Variants in PRIM2 observed in about 807,000 individuals in gnomAD.
The protein encoded by PRIM2 is DNA primase subunit 2.
PRIM2 carries 39 observed loss-of-function variants against 67.3 expected under a neutral mutation model. The observed-to-expected ratio is 0.58, with a 90% CI of 0.45 to 0.76. The LOEUF (loss-of-function observed/expected upper bound fraction) is 0.76, where lower values mean the gene tolerates loss of function less well. Among genes scored for constraint, PRIM2 ranks in the 30% least tolerant of loss-of-function variants. The pLI, the probability that PRIM2 is intolerant of heterozygous loss-of-function variation, is 0.00. For synonymous variants in PRIM2, 143 were observed against 198.7 expected (o/e 0.72, Z 2.36); for missense variants, 398 against 598.7 (o/e 0.66, Z 3.50).
At chr6:57,245,811 G>A in the PRIM2 span, among the ~76,000 whole-genome samples, 6 of 152,238 alleles carry the variant, frequency 3.9e-5, no homozygotes, top group Non-Finnish European at 7.3e-5. Context: ...TCTTGGGATA[G>A]TGCAGGGGAT....
chr6:57,607,493 T>C (rs1776585380), intron 12 of PRIM2, among the ~76,000 whole-genome samples: 1 of 152,214 alleles, frequency 6.6e-6, no homozygotes, highest in Non-Finnish European at 1.5e-5. Flanking sequence ...AGATGCCCTT[T>C]GAATTAGGCC....
At chr6:57,377,168 G>A (rs1769796038) in intron 5 of PRIM2, among the ~76,000 whole-genome samples, 2 of 151,902 alleles carry the variant, frequency 1.3e-5, no homozygotes, top group South Asian at 4.1e-4. Flanking sequence ...GATTACAGGT[G>A]TGAGTCACCG....
intron 5 of PRIM2, among the ~76,000 whole-genome samples, chr6:57,370,268 A>G (rs1188937742): frequency 2.0e-5 from 3 of 152,172 alleles, no homozygotes; most frequent in African/African-American, 7.2e-5. Context: ...AGGTAATCTC[A>G]TTTAGGAGAA....
chr6:57,457,608 G>C (rs1258666628), intron 7 of PRIM2, among the ~76,000 whole-genome samples: 7 of 152,160 alleles, frequency 4.6e-5, no homozygotes, highest in African/African-American at 1.7e-4. Context: ...ATAATCTCTT[G>C]GTGTGCCATT....
chr6:57,624,949 G>A (rs1300423754), intron 12 of PRIM2, among the ~76,000 whole-genome samples: 6 of 152,176 alleles, frequency 3.9e-5, no homozygotes, highest in Admixed American at 2.0e-4. Context: ...GCAGACAAGA[G>A]AGACAATGAG....
intron 5 of PRIM2, among the ~76,000 whole-genome samples, chr6:57,336,388 A>T (rs1324858429): frequency 2.0e-5 from 3 of 152,116 alleles, no homozygotes; most frequent in Admixed American, 6.6e-5. Context: ...GAGAAGAGCA[A>T]CTGCAAGACA....
At chr6:57,451,015 T>C (rs1308955967) in intron 7 of PRIM2, among the ~76,000 whole-genome samples, 15 of 152,214 alleles carry the variant, frequency 9.9e-5, no homozygotes, top group Admixed American at 1.3e-4. Flanking sequence ...TATTTCTCTA[T>C]TTTCCTGAAA....
chr6:57,560,213 C>T (rs1321623184), intron 10 of PRIM2, among the ~76,000 whole-genome samples: 1 of 151,898 alleles, frequency 6.6e-6, no homozygotes, highest in East Asian at 1.9e-4. Flanking sequence ...GGAATAGTTT[C>T]CATCAGGAAT....
At chr6:57,334,275 G>A (rs1458068530) in intron 5 of PRIM2, among the ~76,000 whole-genome samples, 3 of 151,816 alleles carry the variant, frequency 2.0e-5, no homozygotes, top group South Asian at 2.1e-4. Context: ...ATTCCGTTAT[G>A]TATATATATT....
intron 10 of PRIM2, among the ~76,000 whole-genome samples, chr6:57,540,585 G>C (rs1239555441): frequency 2.0e-5 from 3 of 151,742 alleles, no homozygotes; most frequent in Non-Finnish European, 2.9e-5. Context: ...TATCGAAAAA[G>C]GTAAGAAAAA....
At chr6:57,326,312 C>A (rs1767852452) in intron 5 of PRIM2, 1 of 271,278 alleles carries the variant, frequency 3.7e-6, no homozygotes, top group Non-Finnish European at 6.8e-6. Context: ...TATAAAGGTT[C>A]ATCTTTAACC....
chr6:57,241,235 A>AAG, the PRIM2 span, among the ~76,000 whole-genome samples: 1 of 151,082 alleles, frequency 6.6e-6, no homozygotes. Flanking sequence ...AAAAAAAAAA[A>AAG]AAAGAAAAAA....
intron 7 of PRIM2, among the ~76,000 whole-genome samples, chr6:57,402,096 C>T (rs1035742262): frequency 4.6e-5 from 7 of 152,194 alleles, no homozygotes; most frequent in Non-Finnish European, 7.3e-5. Flanking sequence ...TGGGAACATG[C>T]ACCTACATAA....
rs35122482 is a variant in PRIM2 at position 57,352,983 on chromosome 6, A to AT, written c.460-26909dup. 7.9e-5 allele frequency among the ~76,000 whole-genome samples: 12 copies of AT among 151,552 alleles called. No individual in the cohort carries two copies. The East Asian group carries it at 9.7e-4, about 12-fold the overall frequency. On this transcript the variant is annotated intron_variant, in intron 5 of 13. Coordinates refer to ENST00000615550, the MANE Select transcript of PRIM2 (RefSeq NM_000947.5). ...GAGCACAAATATAGCTAGAATTTTA[A>AT]TTTTTTTTTACATTTGTATTTTAGT...
chr6:57,359,533 C>G (rs1769131181), intron 5 of PRIM2, among the ~76,000 whole-genome samples: 1 of 152,168 alleles, frequency 6.6e-6, no homozygotes, highest in Non-Finnish European at 1.5e-5. Flanking sequence ...GAATTGAGAG[C>G]TGTAATACAA....
At chr6:57,449,828 A>C (rs1293765486) in intron 7 of PRIM2, among the ~76,000 whole-genome samples, 5 of 152,162 alleles carry the variant, frequency 3.3e-5, no homozygotes, top group Non-Finnish European at 5.9e-5. Flanking sequence ...TGAATAGACC[A>C]TTAGGTTAAT....
rs569827879 is a variant in PRIM2 at position 57,399,521 on chromosome 6, A to T, written c.693+17353A>T. Among the ~76,000 whole-genome samples the T allele has an allele frequency of 1.8e-3, 271 of 152,320 alleles. 2 individuals are homozygous for T. Among genetic ancestry groups the T allele is most frequent in the African/African-American group, 6.2e-3 (257 of 41,580 alleles). On this transcript the variant is annotated intron_variant, in intron 7 of 13. Transcript: ENST00000615550. The stretch of plus-strand genomic sequence containing the variant: ...AACACACGTGTGCATATGTCTTTAT[A>T]GCAGCATGATTTATAATCCTTTGGA...
the PRIM2 span, among the ~76,000 whole-genome samples, chr6:57,298,981 G>A: frequency 6.6e-6 from 1 of 151,904 alleles, no homozygotes; most frequent in African/African-American, 2.4e-5. Flanking sequence ...CAAATCTAAA[G>A]GCCTCAGGTT....
chr6:57,399,335 C>G (rs1309771139), intron 7 of PRIM2, among the ~76,000 whole-genome samples: 3 of 152,166 alleles, frequency 2.0e-5, no homozygotes, highest in Non-Finnish European at 1.5e-5. Flanking sequence ...ATGATGGTTT[C>G]TAGCTTCATC....
Sources: allele counts gnomAD v4.1 joint callset (sites outside exome capture counted in the v4.1 genomes callset), GRCh38; gene constraint gnomAD v4.1.1; transcripts MANE v1.5; gene names NCBI Gene and HGNC (gene_info 2026-07-23, HGNC 2026-07-21).